Variants in SKAP1 observed in about 807,000 individuals in gnomAD.
SKAP1 encodes the protein src kinase-associated phosphoprotein 1.
Under a neutral mutation model 58.5 loss-of-function variants are expected in SKAP1, and 44 were observed. That is an observed-to-expected ratio of 0.75 (90% confidence interval 0.59 to 0.97). SKAP1 has a LOEUF of 0.97. Among genes scored for constraint, SKAP1 ranks in the 50% least tolerant of loss-of-function variants. SKAP1 has a pLI of 0.00. For missense variants in SKAP1, 390 were observed against 435.2 expected (o/e 0.90, Z 0.92); for synonymous variants, 127 against 149.7 (o/e 0.85, Z 1.11).
intron 4 of SKAP1, among the ~76,000 whole-genome samples, chr17:48,261,756 T>C (rs1366561554): frequency 1.3e-5 from 2 of 152,220 alleles, no homozygotes; most frequent in African/African-American, 4.8e-5. Flanking sequence ...TTGGTGTCGT[T>C]GTTTTCTACC....
intron 4 of SKAP1, among the ~76,000 whole-genome samples, chr17:48,311,441 G>A (rs7209855): frequency 0.34 from 51,328 of 151,992 alleles, 9,443 homozygotes; most frequent in African/African-American, 0.48. Flanking sequence ...GCCAGGCTGA[G>A]TGTCACAATG....
At chr17:48,203,910 T>A (rs919325954) in intron 4 of SKAP1, 1 of 152,188 alleles carries the variant, frequency 6.6e-6, no homozygotes, top group African/African-American at 2.4e-5. Flanking sequence ...AGTAATACTT[T>A]ACATTTGGAT....
chr17:48,256,382 T>C (rs1340735746), intron 4 of SKAP1, among the ~76,000 whole-genome samples: 2 of 152,128 alleles, frequency 1.3e-5, no homozygotes, highest in Non-Finnish European at 2.9e-5. Flanking sequence ...AAAAATGAAA[T>C]ATTTAAAGGT....
At chr17:48,252,445 C>T (rs1240703259) in intron 4 of SKAP1, among the ~76,000 whole-genome samples, 1 of 152,128 alleles carries the variant, frequency 6.6e-6, no homozygotes, top group South Asian at 2.1e-4. Flanking sequence ...TGTTGTTTTG[C>T]GCTGGATTTC....
At chr17:48,203,341 G>C (rs1040341423) in intron 4 of SKAP1, among the ~76,000 whole-genome samples, 9 of 152,142 alleles carry the variant, frequency 5.9e-5, no homozygotes, top group Non-Finnish European at 4.4e-5. Context: ...AAAGCTGAAG[G>C]CACATCCATT....
intron 2 of SKAP1, among the ~76,000 whole-genome samples, chr17:48,386,305 C>CT (rs1567893758): frequency 8.7e-6 from 1 of 115,370 alleles, no homozygotes; most frequent in African/African-American, 3.6e-5. Context: ...CCATGCTAGA[C>CT]CTTTTTTTTT....
At chr17:48,152,311 G>T (rs1242505773) in intron 11 of SKAP1, among the ~76,000 whole-genome samples, 1 of 152,192 alleles carries the variant, frequency 6.6e-6, no homozygotes, top group Non-Finnish European at 1.5e-5. Context: ...TTGCTAGTTT[G>T]GTTGGAGAGC....
At chr17:48,232,496 T>C (rs1279984067) in intron 4 of SKAP1, among the ~76,000 whole-genome samples, 1 of 152,228 alleles carries the variant, frequency 6.6e-6, no homozygotes, top group African/African-American at 2.4e-5. Flanking sequence ...ACAAATGTAT[T>C]TGAGTCAACG....
chr17:48,210,511 G>A (rs1174556785), intron 4 of SKAP1, among the ~76,000 whole-genome samples: 1 of 152,098 alleles, frequency 6.6e-6, no homozygotes, highest in Non-Finnish European at 1.5e-5. Context: ...GAGGCCCCCA[G>A]GTGGAGGGCC....
intron 2 of SKAP1, among the ~76,000 whole-genome samples, chr17:48,373,889 T>C (rs1031567805): frequency 2.6e-5 from 4 of 152,192 alleles, no homozygotes; most frequent in Admixed American, 2.6e-4. Flanking sequence ...GATGAATTTT[T>C]TTTTGCAACT....
chr17:48,402,354 G>C (rs2067509449), intron 1 of SKAP1, among the ~76,000 whole-genome samples: 1 of 148,282 alleles, frequency 6.7e-6, no homozygotes, highest in Non-Finnish European at 1.5e-5. Context: ...TTTTGAGACA[G>C]AGTCTCGCTC....
chr17:48,424,975 T>A (rs7218287), intron 1 of SKAP1, among the ~76,000 whole-genome samples: 92,657 of 148,260 alleles, frequency 0.62, 29,163 homozygotes, highest in African/African-American at 0.76. Flanking sequence ...AAACCCTCAG[T>A]AAGGCCAGGC....
chr17:48,176,223 ATC>A (rs976302328), intron 9 of SKAP1, among the ~76,000 whole-genome samples: 21 of 152,196 alleles, frequency 1.4e-4, no homozygotes, highest in African/African-American at 5.1e-4. Flanking sequence ...ATGGCTCGTC[ATC>A]TCTCTTTCCA....
intron 4 of SKAP1, among the ~76,000 whole-genome samples, chr17:48,268,279 A>C (rs1598489553): frequency 2.0e-5 from 3 of 149,080 alleles, no homozygotes; most frequent in East Asian, 2.0e-4. Flanking sequence ...AAAAAACAAA[A>C]AACCCACACC....
intron 6 of SKAP1, 116 bp downstream of exon 6, chr17:48,187,727 A>G (rs1295749703): frequency 6.1e-6 from 4 of 655,030 alleles, no homozygotes; most frequent in Non-Finnish European, 7.9e-6. Context: ...TTTCCTAAGC[A>G]TGTCCCTTTA....
intron 3 of SKAP1, among the ~76,000 whole-genome samples, chr17:48,356,507 C>G (rs776408154): frequency 1.3e-5 from 2 of 152,130 alleles, no homozygotes; most frequent in Non-Finnish European, 2.9e-5. Flanking sequence ...TCTCCAGAGA[C>G]AACCATTGTG....
rs1182890955 is a variant in SKAP1 at position 48,324,806 on chromosome 17, C to T, written c.280+21099G>A. Among the ~76,000 whole-genome samples the T allele has an allele frequency of 2.0e-5, 3 of 152,022 alleles. 1 individual carries two copies. The highest frequency in any genetic ancestry group is 4.4e-5 in the Non-Finnish European group (3 of 67,966). ...GCATTTACATTTAAGGTTTTTGTTACATTTTGCCCAATTTCGACTATACCA... is the reference window on the plus strand; with the variant it reads ...GCATTTACATTTAAGGTTTTTGTTATATTTTGCCCAATTTCGACTATACCA... On this transcript the variant is annotated intron_variant, in intron 4 of 12. Coordinates refer to ENST00000336915, the MANE Select transcript of SKAP1 (RefSeq NM_003726.4).
chr17:48,333,865 A>C (rs2066534934), intron 4 of SKAP1, among the ~76,000 whole-genome samples: 1 of 152,002 alleles, frequency 6.6e-6, no homozygotes, highest in Non-Finnish European at 1.5e-5. Context: ...TTTTTGAGAA[A>C]GCAAACATGT....
chr17:48,152,548 C>A (rs953697305), intron 11 of SKAP1, among the ~76,000 whole-genome samples: 2 of 152,002 alleles, frequency 1.3e-5, no homozygotes, highest in African/African-American at 4.8e-5. Context: ...ATAATACTGG[C>A]GGTGGGAAAT....
Sources: allele counts gnomAD v4.1 joint callset (sites outside exome capture counted in the v4.1 genomes callset), GRCh38; gene constraint gnomAD v4.1.1; transcripts MANE v1.5; gene names NCBI Gene and HGNC (gene_info 2026-07-23, HGNC 2026-07-21).